The following KANK1 variants were observed in gnomAD, a reference collection of about 807,000 sequenced individuals.
KANK1 encodes the protein KN motif and ankyrin repeat domain-containing protein 1.
A neutral mutation model predicts 106.2 loss-of-function variants in KANK1; 109 were observed. The observed-to-expected ratio is 1.03, with a 90% confidence interval of 0.88 to 1.20. KANK1 has a LOEUF of 1.20. Ranked by LOEUF, KANK1 falls within the 50% of genes most tolerant of loss-of-function variation. KANK1 has a pLI of 0.00. For missense variants in KANK1, 2,399 were observed against 1,710.7 expected (o/e 1.40, Z -7.10); for synonymous variants, 873 against 652.2 (o/e 1.34, Z -5.16).
intron 1 of KANK1, among the ~76,000 whole-genome samples, chr9:564,855 A>G (rs1362822081): frequency 6.6e-6 from 1 of 152,182 alleles, no homozygotes; most frequent in Non-Finnish European, 1.5e-5. Context: ...ATTGACATAC[A>G]GTGTTGTTTT....
chr9:690,153 A>AAAAAAAAC (rs1819558604), intron 2 of KANK1, among the ~76,000 whole-genome samples: 1 of 149,814 alleles, frequency 6.7e-6, no homozygotes, highest in South Asian at 2.1e-4. Flanking sequence ...AAAAAAAAAA[A>AAAAAAAAC]AAACTAGCTG....
intron 1 of KANK1, among the ~76,000 whole-genome samples, chr9:580,732 G>A (rs1276237988): frequency 2.6e-5 from 4 of 152,248 alleles, no homozygotes; most frequent in East Asian, 3.9e-4. Flanking sequence ...CACTGGGGCC[G>A]CAGGCGGAGC....
At chr9:524,528 T>C (rs1158431515) in intron 1 of KANK1, among the ~76,000 whole-genome samples, 1 of 151,728 alleles carries the variant, frequency 6.6e-6, no homozygotes, top group East Asian at 1.9e-4. Context: ...TTTTGTTTGT[T>C]TGTTTTTGAA....
rs1371434710 is a variant in KANK1 at position 507,578 on chromosome 9, G to T, written c.-84+2824G>T. On this transcript the variant is annotated intron_variant, in intron 1 of 11. Transcript: ENST00000382297. ...CTAATTTTTTTTTTTTTTTTTTTGA[G>T]ATGGAGTCTCGATCTGTTGCCAGGC... Among the ~76,000 whole-genome samples, 12 of 127,178 alleles carry T rather than the reference G, an allele frequency of 9.4e-5. No homozygotes were observed. The East Asian group carries it at 2.6e-3, about 28-fold the overall frequency. 83.4% of individuals were successfully genotyped at this position (127,178 alleles called of 152,430 possible).
At chr9:525,422 C>T (rs2133338974) in intron 1 of KANK1, among the ~76,000 whole-genome samples, 1 of 149,660 alleles carries the variant, frequency 6.7e-6, no homozygotes, top group South Asian at 2.1e-4. Context: ...TGGCCCAGGC[C>T]AAAGTGAAGT....
intron 6 of KANK1, chr9:732,927 A>G (rs1832719554): frequency 4.9e-6 from 1 of 203,638 alleles, no homozygotes; most frequent in South Asian, 1.4e-4. Flanking sequence ...ATTTAAAGAC[A>G]TTTTAATTTT....
At chr9:641,448 A>C (rs1374816904) in intron 1 of KANK1, among the ~76,000 whole-genome samples, 1 of 152,098 alleles carries the variant, frequency 6.6e-6, no homozygotes, top group African/African-American at 2.4e-5. Context: ...TTTCCAAGAG[A>C]CAGGTTTCTT....
At chr9:514,989 A>T (rs896438924) in intron 1 of KANK1, among the ~76,000 whole-genome samples, 2 of 151,830 alleles carry the variant, frequency 1.3e-5, no homozygotes, top group African/African-American at 4.9e-5. Flanking sequence ...ATGACTAATG[A>T]AGATGAACAC....
At chr9:590,599 T>TCAGGGAGA (rs1563820295) in intron 1 of KANK1, among the ~76,000 whole-genome samples, 3 of 151,882 alleles carry the variant, frequency 2.0e-5, no homozygotes, top group African/African-American at 7.3e-5. Context: ...AATATGTAAC[T>TCAGGGAGA]TTACCACCAT....
intron 1 of KANK1, among the ~76,000 whole-genome samples, chr9:599,763 A>G (rs1827247704): frequency 6.6e-6 from 1 of 151,882 alleles, no homozygotes; most frequent in South Asian, 2.1e-4. Context: ...TTGACTTTTC[A>G]TATACGCAGG....
chr9:698,970 A>G (rs1821978867), intron 2 of KANK1, among the ~76,000 whole-genome samples: 1 of 152,198 alleles, frequency 6.6e-6, no homozygotes, highest in Non-Finnish European at 1.5e-5. Context: ...CTGTGGAATT[A>G]GGGCTCTGTC....
intron 3 of KANK1, among the ~76,000 whole-genome samples, chr9:722,252 C>G (rs1231831936): frequency 2.0e-5 from 3 of 152,096 alleles, no homozygotes; most frequent in Admixed American, 2.0e-4. Context: ...GCCCTGAATT[C>G]TATTTTATTT....
intron 1 of KANK1, among the ~76,000 whole-genome samples, chr9:644,285 A>G (rs930114607): frequency 6.6e-5 from 10 of 151,020 alleles, no homozygotes; most frequent in Non-Finnish European, 4.4e-5. Context: ...TGTTATGGTC[A>G]CTAATGTTTC....
At chr9:666,438 AT>A (rs916524765) in intron 1 of KANK1, among the ~76,000 whole-genome samples, 11 of 151,030 alleles carry the variant, frequency 7.3e-5, no homozygotes, top group African/African-American at 2.7e-4. Flanking sequence ...GAACACCTTT[AT>A]TTTTTTTTCT....
chr9:552,686 CTG>C (rs2061352337), intron 1 of KANK1, among the ~76,000 whole-genome samples: 1 of 152,170 alleles, frequency 6.6e-6, no homozygotes, highest in African/African-American at 2.4e-5. Context: ...CTGCTCAAGT[CTG>C]TACTATGCCT....
intron 1 of KANK1, among the ~76,000 whole-genome samples, chr9:666,099 T>A (rs946607851): frequency 1.5e-5 from 2 of 136,176 alleles, no homozygotes. Flanking sequence ...GAGGATCGCT[T>A]GAGACCAAGA....
At chr9:560,455 G>T (rs1816093495) in intron 1 of KANK1, among the ~76,000 whole-genome samples, 1 of 152,160 alleles carries the variant, frequency 6.6e-6, no homozygotes, top group Non-Finnish European at 1.5e-5. Flanking sequence ...ATTTTGGAGG[G>T]TTTAGAGGGT....
chr9:643,045 C>T (rs1838833787), intron 1 of KANK1, among the ~76,000 whole-genome samples: 1 of 150,648 alleles, frequency 6.6e-6, no homozygotes, highest in Non-Finnish European at 1.5e-5. Flanking sequence ...TATTTGGAAA[C>T]ATATAAAAAT....
intron 1 of KANK1, among the ~76,000 whole-genome samples, chr9:642,813 T>G (rs952139078): frequency 6.7e-6 from 1 of 150,020 alleles, no homozygotes; most frequent in East Asian, 1.9e-4. Context: ...GGAAGAAAGT[T>G]AGTCCTTCCT....
Sources: gnomAD v4.1 joint callset for allele counts (sites outside exome capture counted in the v4.1 genomes callset) on GRCh38, gnomAD v4.1.1 for gene constraint, MANE v1.5 for transcripts, NCBI Gene and HGNC (gene_info 2026-07-23, HGNC 2026-07-21) for gene names.